COL26A1: variants seen among roughly 807,000 people sequenced by gnomAD.
COL26A1 encodes collagen alpha-1(XXVI) chain.
A neutral mutation model predicts 59.3 loss-of-function variants in COL26A1; 41 were observed. The ratio of observed to expected loss-of-function variants is 0.69; its 90% CI spans 0.54 to 0.90. COL26A1 has a LOEUF of 0.90. Ranked by LOEUF, COL26A1 falls within the 40% of genes least tolerant of loss-of-function variation. The pLI is 0.00. For missense variants in COL26A1, 612 were observed against 602.3 expected (o/e 1.02, Z -0.17); for synonymous variants, 266 against 256.0 (o/e 1.04, Z -0.37).
intron 3 of COL26A1, among the ~76,000 whole-genome samples, chr7:101,459,466 A>ATTTTTTTT (rs71286269): frequency 8.1e-5 from 11 of 136,086 alleles, no homozygotes; most frequent in African/African-American, 1.4e-4. Context: ...CACCCGGCTA[A>ATTTTTTTT]TTTTTTTTTT....
chr7:101,376,226 A>G (rs1277749424), intron 1 of COL26A1, among the ~76,000 whole-genome samples: 1 of 151,994 alleles, frequency 6.6e-6, no homozygotes, highest in East Asian at 1.9e-4. Context: ...CTGAGGCGGC[A>G]GGATCACTTG....
chr7:101,535,982 G>A (rs1010380274), intron 4 of COL26A1, among the ~76,000 whole-genome samples: 8 of 152,064 alleles, frequency 5.3e-5, no homozygotes, highest in East Asian at 1.9e-4. Context: ...CCTTCTGGCC[G>A]CCCACCTGCC....
chr7:101,481,067 A>T (rs1157869814), intron 3 of COL26A1, among the ~76,000 whole-genome samples: 2 of 152,208 alleles, frequency 1.3e-5, no homozygotes, highest in Admixed American at 6.5e-5. Context: ...CTCAGATCCA[A>T]ACAAGGCACA....
At chr7:101,476,992 C>T (rs1794063503) in intron 3 of COL26A1, among the ~76,000 whole-genome samples, 1 of 151,876 alleles carries the variant, frequency 6.6e-6, no homozygotes, top group Non-Finnish European at 1.5e-5. Context: ...TACAGGCATG[C>T]ACCACCACGC....
At chr7:101,493,997 A>G (rs1794527606) in intron 3 of COL26A1, among the ~76,000 whole-genome samples, 1 of 151,956 alleles carries the variant, frequency 6.6e-6, no homozygotes, top group Non-Finnish European at 1.5e-5. Flanking sequence ...GCAAGATCCC[A>G]CAGTAAGGCT....
At chr7:101,474,035 G>T (rs907497437) in intron 3 of COL26A1, among the ~76,000 whole-genome samples, 1 of 152,100 alleles carries the variant, frequency 6.6e-6, no homozygotes, top group African/African-American at 2.4e-5. Context: ...CATGAAACAG[G>T]TCCAATGCCA....
intron 2 of COL26A1, among the ~76,000 whole-genome samples, chr7:101,427,996 T>C (rs1792687553): frequency 6.6e-6 from 1 of 152,186 alleles, no homozygotes; most frequent in South Asian, 2.1e-4. Context: ...TCTTTTGCTA[T>C]TTTACACATT....
chr7:101,499,865 G>C (rs934867009), intron 3 of COL26A1, among the ~76,000 whole-genome samples: 1 of 141,652 alleles, frequency 7.1e-6, no homozygotes, highest in African/African-American at 2.8e-5. Flanking sequence ...GGGTGATAGA[G>C]GGAGTCCCTG....
At chr7:101,519,993 C>T (rs1033283454) in intron 3 of COL26A1, among the ~76,000 whole-genome samples, 1 of 152,102 alleles carries the variant, frequency 6.6e-6, no homozygotes, top group Non-Finnish European at 1.5e-5. Flanking sequence ...TCATCTGCTC[C>T]CTCTCAGTGG....
intron 1 of COL26A1, among the ~76,000 whole-genome samples, chr7:101,418,402 G>A (rs1792429377): frequency 6.6e-6 from 1 of 152,022 alleles, no homozygotes; most frequent in African/African-American, 2.4e-5. Context: ...GTCTCTTAGG[G>A]ACCCCTCCAA....
At chr7:101,532,387 T>A (rs577449346) in intron 3 of COL26A1, among the ~76,000 whole-genome samples, 54 of 152,256 alleles carry the variant, frequency 3.5e-4, no homozygotes, top group African/African-American at 1.3e-3. Context: ...GTGTTAGAGA[T>A]CCTTGACCTT....
At chr7:101,535,503 C>G (rs1415160415) in intron 4 of COL26A1, among the ~76,000 whole-genome samples, 2 of 152,160 alleles carry the variant, frequency 1.3e-5, no homozygotes, top group Non-Finnish European at 2.9e-5. Context: ...ATCCTCCCAT[C>G]ATGAGCAATT....
chr7:101,414,219 C>T (rs1002874723), intron 1 of COL26A1, among the ~76,000 whole-genome samples: 1 of 152,078 alleles, frequency 6.6e-6, no homozygotes, highest in African/African-American at 2.4e-5. Context: ...GTTATGGGGA[C>T]GGTGATTTGA....
chr7:101,539,288 G>A (rs548496920), intron 4 of COL26A1, among the ~76,000 whole-genome samples: 2,602 of 130,540 alleles, frequency 0.02, 28 homozygotes, highest in Middle Eastern at 0.065. Context: ...CTGTGTGTGT[G>A]TGTGTATGTG....
chr7:101,433,905 G>T (rs1365682088), intron 2 of COL26A1, among the ~76,000 whole-genome samples: 1 of 152,064 alleles, frequency 6.6e-6, no homozygotes, highest in East Asian at 1.9e-4. Flanking sequence ...TTTACTACAT[G>T]GACCAGCACA....
At chr7:101,390,090 C>T (rs1342493380) in intron 1 of COL26A1, among the ~76,000 whole-genome samples, 1 of 148,018 alleles carries the variant, frequency 6.8e-6, no homozygotes, top group Non-Finnish European at 1.5e-5. Context: ...GAAATCATTG[C>T]CAATCTAGTG....
intron 3 of COL26A1, among the ~76,000 whole-genome samples, chr7:101,474,805 A>C (rs150300588): frequency 6.6e-6 from 1 of 152,360 alleles, no homozygotes; most frequent in Non-Finnish European, 1.5e-5. Context: ...AACTTCAGAC[A>C]TGAAGACCCA....
chr7:101,379,942 G>C (rs896982568), intron 1 of COL26A1, among the ~76,000 whole-genome samples: 1 of 152,200 alleles, frequency 6.6e-6, no homozygotes, highest in African/African-American at 2.4e-5. Flanking sequence ...GCGGCCCTTA[G>C]GGCTGCTCTG....
chr7:101,429,973 A>G (rs1780532272), intron 2 of COL26A1, among the ~76,000 whole-genome samples: 1 of 152,084 alleles, frequency 6.6e-6, no homozygotes, highest in Non-Finnish European at 1.5e-5. Context: ...TATATCTACC[A>G]AAAGTCTTGA....
Sources: allele counts gnomAD v4.1 joint callset (sites outside exome capture counted in the v4.1 genomes callset), GRCh38; gene constraint gnomAD v4.1.1; transcripts MANE v1.5; gene names NCBI Gene and HGNC (gene_info 2026-07-23, HGNC 2026-07-21).